The following ACBD6 variants were observed in gnomAD, a reference collection of about 807,000 sequenced individuals.
ACBD6 encodes the protein acyl-CoA binding domain containing 6.
Under a neutral mutation model 37.2 loss-of-function variants are expected in ACBD6, and 28 were observed. The ratio of observed to expected loss-of-function variants is 0.75; its 90% CI spans 0.56 to 1.03. The LOEUF (loss-of-function observed/expected upper bound fraction) is 1.03. Ranked by LOEUF, ACBD6 falls within the 50% of genes least tolerant of loss-of-function variation. ACBD6 has a pLI of 0.00. For missense variants in ACBD6, 340 were observed against 337.4 expected (o/e 1.01, Z -0.06); for synonymous variants, 113 against 126.8 (o/e 0.89, Z 0.73).
At chr1:180,492,247 AT>A in intron 3 of ACBD6, 21 bp downstream of exon 3, 1 of 1,567,046 alleles carries the variant, frequency 6.4e-7, no homozygotes, top group Non-Finnish European at 8.8e-7. Context: ...GGAAAGTATT[AT>A]TTATAATCAT....
At chr1:180,454,840 G>A (rs546603460) in intron 3 of ACBD6, among the ~76,000 whole-genome samples, 2 of 152,334 alleles carry the variant, frequency 1.3e-5, no homozygotes, top group East Asian at 3.9e-4. Flanking sequence ...ACACCAGTTA[G>A]AATGGTGATC....
chr1:180,353,981 A>C (rs1264345916), intron 6 of ACBD6, among the ~76,000 whole-genome samples: 1 of 152,214 alleles, frequency 6.6e-6, no homozygotes, highest in East Asian at 1.9e-4. Context: ...CTACTACCAA[A>C]TGCTTTCGTA....
chr1:180,314,541 G>A (rs113496127), intron 7 of ACBD6, 151 bp downstream of exon 7: 10 of 618,782 alleles, frequency 1.6e-5, no homozygotes, highest in South Asian at 9.7e-5. Flanking sequence ...CCTCACGCCC[G>A]GCCTAATACA....
At chr1:180,305,411 A>G (rs1650313509) in intron 7 of ACBD6, among the ~76,000 whole-genome samples, 1 of 152,226 alleles carries the variant, frequency 6.6e-6, no homozygotes, top group Admixed American at 6.5e-5. Context: ...CAAGAAAAAA[A>G]ACAAACAACC....
chr1:180,384,761 T>C (rs554101854), intron 6 of ACBD6, among the ~76,000 whole-genome samples: 9 of 152,292 alleles, frequency 5.9e-5, no homozygotes, highest in African/African-American at 2.2e-4. Context: ...AGTGTCCATC[T>C]ACAGATGAAT....
chr1:180,271,274 T>C, exon 14 of ACBD6: 2 of 1,308,888 alleles, frequency 1.5e-6, no homozygotes, highest in Admixed American at 3.4e-5. Flanking sequence ...CTGTCCTGCC[T>C]ACAGCAGGCA....
intron 4 of ACBD6, among the ~76,000 whole-genome samples, chr1:180,415,300 G>A (rs776900651): frequency 1.6e-4 from 24 of 151,840 alleles, no homozygotes; most frequent in Non-Finnish European, 2.9e-4. Flanking sequence ...AGGAGGCTGA[G>A]GCAGGAGAAT....
At chr1:180,271,798 A>G (rs1253880837) in exon 14 of ACBD6, 3 of 1,612,374 alleles carry the variant, frequency 1.9e-6, no homozygotes, top group Non-Finnish European at 2.5e-6. Flanking sequence ...TTTGTGGTGG[A>G]CGCCCCCTGA....
chr1:180,301,041 T>A (rs1406665702), intron 7 of ACBD6, among the ~76,000 whole-genome samples: 1 of 152,174 alleles, frequency 6.6e-6, no homozygotes, highest in Non-Finnish European at 1.5e-5. Context: ...GATTACCCTG[T>A]CAAGGTAACA....
intron 6 of ACBD6, among the ~76,000 whole-genome samples, chr1:180,387,933 T>G (rs1183667294): frequency 6.6e-6 from 1 of 152,042 alleles, no homozygotes; most frequent in African/African-American, 2.4e-5. Flanking sequence ...CCCACCACTT[T>G]GGGAGGCCGA....
chr1:180,500,149 G>C (rs199700900), intron 1 of ACBD6, among the ~76,000 whole-genome samples: 1 of 135,936 alleles, frequency 7.4e-6, no homozygotes. Context: ...AAAAAAAAAA[G>C]AACACAGCAG....
chr1:180,351,240 C>T (rs1171458252), intron 6 of ACBD6, among the ~76,000 whole-genome samples: 1 of 151,282 alleles, frequency 6.6e-6, no homozygotes, highest in Admixed American at 6.6e-5. Flanking sequence ...TTCAGGTATC[C>T]CTTTAATCTG....
intron 3 of ACBD6, among the ~76,000 whole-genome samples, chr1:180,436,456 C>A (rs1430323682): frequency 6.6e-6 from 1 of 152,116 alleles, no homozygotes; most frequent in Non-Finnish European, 1.5e-5. Context: ...GGTGTGGTCA[C>A]GATTCTTTTG....
At chr1:180,394,212 G>A (rs1024434748) in intron 6 of ACBD6, among the ~76,000 whole-genome samples, 22 of 152,042 alleles carry the variant, frequency 1.4e-4, no homozygotes, top group African/African-American at 5.3e-4. Context: ...TCCCACCACA[G>A]CCTCCAGAGT....
chr1:180,454,653 T>C (rs542076609), intron 3 of ACBD6, among the ~76,000 whole-genome samples: 1 of 152,164 alleles, frequency 6.6e-6, no homozygotes, highest in African/African-American at 2.4e-5. Flanking sequence ...AGCTGGAATC[T>C]ACAAGGAACT....
At chr1:180,424,809 T>C (rs138828756) in intron 4 of ACBD6, among the ~76,000 whole-genome samples, 11 of 152,238 alleles carry the variant, frequency 7.2e-5, no homozygotes, top group South Asian at 2.1e-4. Flanking sequence ...ATGGTTTCAG[T>C]TGATGAATGA....
At chr1:180,467,919 A>C (rs1047922651) in intron 3 of ACBD6, among the ~76,000 whole-genome samples, 1 of 152,224 alleles carries the variant, frequency 6.6e-6, no homozygotes, top group Non-Finnish European at 1.5e-5. Flanking sequence ...TCAGAGTCCC[A>C]AAAATGGGAC....
At chr1:180,284,504 A>T (rs1649412063), downstream of ACBD6, among the ~76,000 whole-genome samples, 1 of 151,910 alleles carries the variant, frequency 6.6e-6, no homozygotes, top group South Asian at 2.1e-4. Context: ...GCTGGGACTT[A>T]CAGGCATGCG....
intron 3 of ACBD6, among the ~76,000 whole-genome samples, chr1:180,481,866 AATAGTAAC>A (rs1342859690): frequency 6.6e-6 from 1 of 152,180 alleles, no homozygotes; most frequent in Non-Finnish European, 1.5e-5. Flanking sequence ...GTAGGTGGTA[AATAGTAAC>A]ACAAAGGCGA....
Sources: gnomAD v4.1 joint callset for allele counts (sites outside exome capture counted in the v4.1 genomes callset) on GRCh38, gnomAD v4.1.1 for gene constraint, MANE v1.5 for transcripts, NCBI Gene and HGNC (gene_info 2026-07-23, HGNC 2026-07-21) for gene names.